VPS13B: variants seen among roughly 807,000 people sequenced by gnomAD.
VPS13B encodes the protein intermembrane lipid transfer protein VPS13B.
VPS13B carries 285 observed loss-of-function variants against 426.4 expected under a neutral mutation model. That is an observed-to-expected ratio of 0.67 (90% CI 0.61 to 0.74). The LOEUF (loss-of-function observed/expected upper bound fraction) is 0.74. VPS13B is among the 30% of genes least tolerant of loss of function. The pLI is 0.00. For synonymous variants in VPS13B, 1,676 were observed against 1,676.4 expected (o/e 1.00, Z 0.01); for missense variants, 4,537 against 4,782.6 (o/e 0.95, Z 1.51).
intron 35 of VPS13B, among the ~76,000 whole-genome samples, chr8:99,689,623 A>G (rs1831564585): frequency 1.3e-5 from 2 of 152,196 alleles, no homozygotes; most frequent in African/African-American, 4.8e-5. Context: ...TTTGAGGCCA[A>G]CCTGGGCAAC....
At chr8:99,842,656 C>A (rs1171621970) in intron 54 of VPS13B, among the ~76,000 whole-genome samples, 1 of 152,086 alleles carries the variant, frequency 6.6e-6, no homozygotes, top group Non-Finnish European at 1.5e-5. Context: ...TTTTCTTTGT[C>A]ACCTTGTAAT....
intron 15 of VPS13B, among the ~76,000 whole-genome samples, chr8:99,157,919 T>G (rs1309450011): frequency 6.6e-6 from 1 of 152,190 alleles, no homozygotes; most frequent in South Asian, 2.1e-4. Flanking sequence ...CAATATTCCC[T>G]TAAATGAAAA....
At chr8:99,870,930 T>C (rs1303409840) in intron 60 of VPS13B, 43 bp downstream of exon 60, 1 of 1,582,346 alleles carries the variant, frequency 6.3e-7, no homozygotes, top group South Asian at 1.1e-5. Flanking sequence ...ATCCATATTG[T>C]ATGTTAATAG....
chr8:99,153,352 A>G (rs1418518846), intron 14 of VPS13B, among the ~76,000 whole-genome samples: 1 of 151,336 alleles, frequency 6.6e-6, no homozygotes, highest in Non-Finnish European at 1.5e-5. Flanking sequence ...GCTATTTTCT[A>G]TTTTTTGCCC....
intron 19 of VPS13B, among the ~76,000 whole-genome samples, chr8:99,339,983 A>G (rs1222745235): frequency 2.0e-5 from 3 of 152,218 alleles, no homozygotes; most frequent in African/African-American, 7.2e-5. Context: ...TCCAACATCT[A>G]GTGAAATGGC....
At chr8:99,500,438 G>A (rs1588441611) in intron 25 of VPS13B, among the ~76,000 whole-genome samples, 1 of 152,046 alleles carries the variant, frequency 6.6e-6, no homozygotes, top group Non-Finnish European at 1.5e-5. Context: ...TTTTCTATGT[G>A]TATATTCTTC....
intron 4 of VPS13B, 111 bp from the exon 5 acceptor site, chr8:99,102,842 T>C: frequency 9.1e-7 from 1 of 1,098,722 alleles, no homozygotes; most frequent in East Asian, 2.5e-5. Flanking sequence ...CTTTGGGAAA[T>C]ATGCTAAATA....
intron 21 of VPS13B, among the ~76,000 whole-genome samples, chr8:99,423,012 A>G (rs3110393): frequency 6.6e-6 from 1 of 152,044 alleles, no homozygotes; most frequent in East Asian, 1.9e-4. Flanking sequence ...TCATCCTTAA[A>G]TGGTTTAATT....
intron 24 of VPS13B, among the ~76,000 whole-genome samples, chr8:99,478,447 G>GTTTTGTTTTT (rs1819822769): frequency 4.7e-5 from 4 of 85,776 alleles, no homozygotes; most frequent in Non-Finnish European, 8.4e-5. Flanking sequence ...TTTTTGTTTT[G>GTTTTGTTTTT]TTTTTTTTTT....
At chr8:99,775,765 G>A (rs1017142334) in intron 40 of VPS13B, among the ~76,000 whole-genome samples, 1 of 152,108 alleles carries the variant, frequency 6.6e-6, no homozygotes, top group Non-Finnish European at 1.5e-5. Flanking sequence ...GGGCATGGTG[G>A]CTGGCGCCTG....
intron 23 of VPS13B, 109 bp downstream of exon 23, chr8:99,442,744 A>C: frequency 8.5e-7 from 1 of 1,183,102 alleles, no homozygotes; most frequent in East Asian, 2.6e-5. Flanking sequence ...TTCTCATTGA[A>C]AGATTTTTCC....
chr8:99,816,021 G>A (rs1455104900), intron 44 of VPS13B, among the ~76,000 whole-genome samples: 2 of 151,778 alleles, frequency 1.3e-5, no homozygotes, highest in Admixed American at 1.3e-4. Flanking sequence ...TTGTATAGAT[G>A]GGATCTTGCC....
chr8:99,115,640 T>C (rs1016009670), intron 6 of VPS13B, 60 bp from the exon 7 acceptor site: 6 of 1,539,936 alleles, frequency 3.9e-6, no homozygotes, highest in Admixed American at 1.8e-5. Flanking sequence ...CATTTCTTTA[T>C]GTAAAAAATA....
chr8:99,459,867 CTG>C (rs1818735190), intron 23 of VPS13B, among the ~76,000 whole-genome samples: 2 of 152,228 alleles, frequency 1.3e-5, no homozygotes, highest in African/African-American at 4.8e-5. Context: ...ATATCTGTCT[CTG>C]TAATATTTCT....
chr8:99,461,332 GC>G (rs1177094489), intron 23 of VPS13B, among the ~76,000 whole-genome samples: 3 of 152,032 alleles, frequency 2.0e-5, no homozygotes, highest in Non-Finnish European at 4.4e-5. Flanking sequence ...GCAATAAATA[GC>G]ACAAATGTAT....
At chr8:99,320,703 A>T (rs1335851579) in intron 19 of VPS13B, among the ~76,000 whole-genome samples, 2 of 152,246 alleles carry the variant, frequency 1.3e-5, no homozygotes, top group Admixed American at 1.3e-4. Context: ...GGTGAACCTT[A>T]CAAGTATTTT....
chr8:99,273,387 C>T (rs929412880), intron 17 of VPS13B, among the ~76,000 whole-genome samples: 2 of 151,550 alleles, frequency 1.3e-5, no homozygotes, highest in Admixed American at 6.6e-5. Flanking sequence ...AGGATGGTCT[C>T]GATCTCTTGA....
Position 99,258,481 on chromosome 8 carries a change from G to C in VPS13B, c.2516-15717G>C, listed in dbSNP as rs929896721. ...TCCTGACATAGCTCTGGAGCCTATG[G>C]GGGAGATATCAGAGTTTTGGAAAGT... On this transcript the variant is annotated intron_variant, in intron 17 of 61. Coordinates refer to ENST00000357162, the MANE Select transcript of VPS13B (RefSeq NM_152564.5). Among the ~76,000 whole-genome samples, 12 of 151,990 alleles carry C rather than the reference G, an allele frequency of 7.9e-5. No individual in the cohort carries two copies. In the East Asian group the frequency reaches 2.3e-3, roughly 29 times the overall value.
At chr8:99,599,836 C>G (rs150223938) in intron 33 of VPS13B, among the ~76,000 whole-genome samples, 182 of 152,166 alleles carry the variant, frequency 1.2e-3, no homozygotes, top group South Asian at 2.3e-3. Flanking sequence ...GATTCTCGGA[C>G]TTTAGCAAAT....
Sources: gnomAD v4.1 joint callset for allele counts (sites outside exome capture counted in the v4.1 genomes callset) on GRCh38, gnomAD v4.1.1 for gene constraint, MANE v1.5 for transcripts, NCBI Gene and HGNC (gene_info 2026-07-23, HGNC 2026-07-21) for gene names.